ST6GAL1: variants seen among roughly 807,000 people sequenced by gnomAD.
The protein encoded by ST6GAL1 is ST6 beta-galactoside alpha-2,6-sialyltransferase 1, also known as beta-galactoside alpha-2,6-sialyltransferase 1.
ST6GAL1 carries 20 observed loss-of-function variants against 38.0 expected under a neutral mutation model. The observed-to-expected ratio is 0.53, with a 90% confidence interval of 0.37 to 0.77. The LOEUF is 0.77. Ranked by LOEUF, ST6GAL1 falls within the 30% of genes least tolerant of loss-of-function variation. The pLI, the probability that ST6GAL1 is intolerant of heterozygous loss-of-function variation, is 0.00. For synonymous variants in ST6GAL1, 196 were observed against 188.2 expected, an observed-to-expected ratio of 1.04 and a Z score of -0.34; for missense variants, 432 against 496.4, an observed-to-expected ratio of 0.87 and a Z score of 1.23.
intron 2 of ST6GAL1, among the ~76,000 whole-genome samples, chr3:187,015,911 C>T (rs1717101517): frequency 6.6e-6 from 1 of 152,186 alleles, no homozygotes; most frequent in African/African-American, 2.4e-5. Flanking sequence ...AACCTTGGCC[C>T]TGCCATTTAC....
chr3:187,063,002 T>C (rs993588987), intron 5 of ST6GAL1, among the ~76,000 whole-genome samples: 1 of 152,188 alleles, frequency 6.6e-6, no homozygotes, highest in Non-Finnish European at 1.5e-5. Context: ...TGATTCATTT[T>C]GGGAAGCTGA....
chr3:186,933,271 G>C (rs948446678), intron 1 of ST6GAL1, among the ~76,000 whole-genome samples: 2 of 152,130 alleles, frequency 1.3e-5, no homozygotes, highest in African/African-American at 4.8e-5. Context: ...GTCCATAAAA[G>C]GCCCCTGACC....
At chr3:186,957,105 T>C (rs1175836058) in intron 1 of ST6GAL1, among the ~76,000 whole-genome samples, 1 of 152,120 alleles carries the variant, frequency 6.6e-6, no homozygotes, top group Non-Finnish European at 1.5e-5. Context: ...GTTTGGAATA[T>C]AGAATTGAAG....
intron 2 of ST6GAL1, among the ~76,000 whole-genome samples, chr3:186,966,291 G>A (rs1404109724): frequency 2.0e-5 from 3 of 152,148 alleles, no homozygotes; most frequent in East Asian, 1.9e-4. Flanking sequence ...GATGGTTCCC[G>A]GCACAGTGTT....
intron 1 of ST6GAL1, among the ~76,000 whole-genome samples, chr3:186,953,820 T>A (rs1455648593): frequency 1.3e-5 from 2 of 152,064 alleles, no homozygotes; most frequent in African/African-American, 4.8e-5. Flanking sequence ...GTTTTTTTTT[T>A]TTTTTTAATT....
chr3:186,971,349 C>T (rs1380154474), intron 2 of ST6GAL1, among the ~76,000 whole-genome samples: 3 of 152,260 alleles, frequency 2.0e-5, no homozygotes, highest in Admixed American at 1.3e-4. Flanking sequence ...CCACGTGCCT[C>T]GGCCTCCTGA....
intron 2 of ST6GAL1, among the ~76,000 whole-genome samples, chr3:187,023,124 T>C (rs891843928): frequency 1.3e-5 from 2 of 151,984 alleles, no homozygotes; most frequent in Non-Finnish European, 2.9e-5. Context: ...CAAAAAGGAG[T>C]CCATTCAGTT....
At chr3:187,016,737 A>G (rs765818489) in intron 2 of ST6GAL1, among the ~76,000 whole-genome samples, 6 of 152,230 alleles carry the variant, frequency 3.9e-5, no homozygotes, top group Non-Finnish European at 8.8e-5. Context: ...GCCTCCCAGG[A>G]GGCAATGATG....
chr3:186,966,681 G>C (rs559126769), intron 2 of ST6GAL1, among the ~76,000 whole-genome samples: 2 of 152,298 alleles, frequency 1.3e-5, no homozygotes, highest in East Asian at 3.9e-4. Context: ...GTGTAAGATA[G>C]CACCAGAGCT....
chr3:187,022,468 G>A (rs1333341731), intron 2 of ST6GAL1, among the ~76,000 whole-genome samples: 7 of 152,160 alleles, frequency 4.6e-5, no homozygotes, highest in Non-Finnish European at 1.0e-4. Context: ...CTAGTGACTT[G>A]AAGTCAGTAG....
chr3:187,059,887 G>C (rs914354393), intron 5 of ST6GAL1, among the ~76,000 whole-genome samples: 1 of 152,218 alleles, frequency 6.6e-6, no homozygotes. Context: ...GAGTGGTCAA[G>C]GTACTAGGAG....
At chr3:187,060,408 G>A (rs866748575) in intron 5 of ST6GAL1, among the ~76,000 whole-genome samples, 1 of 152,156 alleles carries the variant, frequency 6.6e-6, no homozygotes, top group Non-Finnish European at 1.5e-5. Context: ...TGATCCACCT[G>A]CCTCAGCCTC....
At chr3:187,051,403 A>G in intron 5 of ST6GAL1, 57 bp downstream of exon 5, 1 of 1,510,718 alleles carries the variant, frequency 6.6e-7, no homozygotes, top group Non-Finnish European at 9.2e-7. Context: ...GTGGGCTCTA[A>G]TGTGGAATGT....
intron 1 of ST6GAL1, among the ~76,000 whole-genome samples, chr3:186,960,211 C>T (rs1714887038): frequency 6.6e-6 from 1 of 152,208 alleles, no homozygotes; most frequent in African/African-American, 2.4e-5. Context: ...CCAAGGCAGC[C>T]TCTCATTTAG....
intron 2 of ST6GAL1, among the ~76,000 whole-genome samples, chr3:186,993,560 A>G (rs67331576): frequency 1.3e-4 from 1 of 7,962 alleles, no homozygotes; most frequent in Admixed American, 1.9e-3. Context: ...ACAGAGTTTT[A>G]TTTATTTATT....
chr3:187,071,408 A>G (rs1719365151), intron 5 of ST6GAL1, among the ~76,000 whole-genome samples: 2 of 152,120 alleles, frequency 1.3e-5, no homozygotes, highest in South Asian at 4.1e-4. Flanking sequence ...AAGACAGCTC[A>G]TATTTGAGAG....
At chr3:186,971,396 C>G (rs990443655) in intron 2 of ST6GAL1, among the ~76,000 whole-genome samples, 6 of 152,224 alleles carry the variant, frequency 3.9e-5, no homozygotes, top group Non-Finnish European at 8.8e-5. Flanking sequence ...CTGTGCCCCC[C>G]CAACGTTAGC....
intron 2 of ST6GAL1, among the ~76,000 whole-genome samples, chr3:187,035,157 G>T (rs146797175): frequency 6.6e-6 from 1 of 151,974 alleles, no homozygotes; most frequent in Non-Finnish European, 1.5e-5. Flanking sequence ...TATAATAGTC[G>T]CAACAAAATT....
At position 187,072,902 on chromosome 3, in the gene ST6GAL1, C is replaced by A; in HGVS notation, c.759C>A (p.Ile253=). The part of the protein sequence containing the change: ...FLKDSLYNEG[I]LIVWDPSVYH... ...AAGACAGTTTGTACAATGAAGGAAT[C>A]CTAATTGTATGGGACCCATCTGTAT... Residue 253 remains isoleucine, a synonymous_variant, in exon 6 of 8, where the codon ATC becomes ATA. Coordinates refer to ENST00000169298, the MANE Select transcript of ST6GAL1 (RefSeq NM_173216.2). 1 of 1,613,980 alleles carries A rather than the reference C, an allele frequency of 6.2e-7. No homozygotes were observed. The highest frequency in any genetic ancestry group is 8.5e-7 in the Non-Finnish European group (1 of 1,179,934).
Sources: gnomAD v4.1 joint callset for allele counts (sites outside exome capture counted in the v4.1 genomes callset) on GRCh38, gnomAD v4.1.1 for gene constraint, MANE v1.5 for transcripts, NCBI Gene and HGNC (gene_info 2026-07-23, HGNC 2026-07-21) for gene names.